The following NKAIN2 variants were observed in gnomAD, a reference collection of about 807,000 sequenced individuals.
NKAIN2 encodes the protein sodium/potassium-transporting ATPase subunit beta-1-interacting protein 2.
Under a neutral mutation model 32.6 loss-of-function variants are expected in NKAIN2, and 14 were observed. The ratio of observed to expected loss-of-function variants is 0.43; its 90% CI spans 0.28 to 0.67. NKAIN2 has a LOEUF of 0.67. Ranked by LOEUF, NKAIN2 falls within the 30% of genes least tolerant of loss-of-function variation. NKAIN2 has a pLI of 0.17. For missense variants in NKAIN2, 198 were observed against 258.3 expected (o/e 0.77, Z 1.60); for synonymous variants, 80 against 87.2 (o/e 0.92, Z 0.46).
At chr6:124,546,913 C>T (rs1780114880) in intron 3 of NKAIN2, among the ~76,000 whole-genome samples, 1 of 152,184 alleles carries the variant, frequency 6.6e-6, no homozygotes, top group Non-Finnish European at 1.5e-5. Flanking sequence ...AAAACATGTT[C>T]TCAGCATCAC....
At chr6:124,141,589 AT>A (rs201284826) in intron 1 of NKAIN2, among the ~76,000 whole-genome samples, 6 of 149,862 alleles carry the variant, frequency 4.0e-5, no homozygotes, top group East Asian at 2.0e-4. Context: ...TTTCTTGCTC[AT>A]TTTTTTTTCT....
rs190243830 is a variant in NKAIN2, at chr6:124,500,836, A to G, written c.273+145489A>G. The stretch of plus-strand genomic sequence containing the variant: ...GTTTTTAGATCAGTCAGAGGATTTG[A>G]CAAAAATGGAAGCAGAAAAATAAAA... On this transcript the variant is annotated intron_variant, in intron 3 of 6. Transcript: ENST00000368417. 1.4e-3 allele frequency among the ~76,000 whole-genome samples: 219 copies of G among 152,238 alleles called. 1 individual carries two copies. The highest frequency in any genetic ancestry group is 2.5e-3 in the Non-Finnish European group (169 of 68,014).
intron 1 of NKAIN2, among the ~76,000 whole-genome samples, chr6:124,157,250 GAC>G (rs772415964): frequency 6.4e-5 from 7 of 109,900 alleles, no homozygotes; most frequent in Admixed American, 2.0e-4. Flanking sequence ...TGTCATAATG[GAC>G]ACACACACAC....
intron 1 of NKAIN2, among the ~76,000 whole-genome samples, chr6:124,267,829 A>G (rs1794573104): frequency 6.6e-6 from 1 of 152,200 alleles, no homozygotes; most frequent in Non-Finnish European, 1.5e-5. Flanking sequence ...TATATTTGGC[A>G]TGAAAAATAT....
chr6:124,814,934 C>A (rs1436183266), intron 5 of NKAIN2, among the ~76,000 whole-genome samples: 1 of 151,948 alleles, frequency 6.6e-6, no homozygotes, highest in Non-Finnish European at 1.5e-5. Context: ...ACAACAGCAG[C>A]AGCAGCAATA....
intron 1 of NKAIN2, among the ~76,000 whole-genome samples, chr6:124,011,951 A>C (rs1780350559): frequency 3.3e-5 from 5 of 152,176 alleles, no homozygotes; most frequent in African/African-American, 7.2e-5. Context: ...TCAAATCTGC[A>C]ATAAGTCATA....
At chr6:123,988,125 C>T (rs1042618886) in intron 1 of NKAIN2, among the ~76,000 whole-genome samples, 7 of 152,062 alleles carry the variant, frequency 4.6e-5, no homozygotes, top group African/African-American at 1.7e-4. Context: ...GGGAGATCAG[C>T]TGTGATTGAT....
At chr6:123,884,112 A>G (rs1427800703) in intron 1 of NKAIN2, among the ~76,000 whole-genome samples, 1 of 151,150 alleles carries the variant, frequency 6.6e-6, no homozygotes, top group Non-Finnish European at 1.5e-5. Context: ...CCCTCCTCCC[A>G]CCCTCCATCC....
intron 1 of NKAIN2, among the ~76,000 whole-genome samples, chr6:124,029,844 G>A (rs930608408): frequency 6.6e-6 from 1 of 152,104 alleles, no homozygotes. Flanking sequence ...TGTTAGATCA[G>A]TGGCAGCATT....
intron 1 of NKAIN2, among the ~76,000 whole-genome samples, chr6:124,143,971 C>A (rs1219629642): frequency 6.6e-6 from 1 of 152,050 alleles, no homozygotes; most frequent in Non-Finnish European, 1.5e-5. Flanking sequence ...ACAAAGCGTA[C>A]AGTGTCTAGC....
chr6:123,831,997 C>T (rs1382765071), intron 1 of NKAIN2, among the ~76,000 whole-genome samples: 2 of 152,042 alleles, frequency 1.3e-5, no homozygotes, highest in Non-Finnish European at 2.9e-5. Flanking sequence ...TCCCTGAATC[C>T]GTTTTCATTA....
chr6:123,849,307 G>A (rs569866444), intron 1 of NKAIN2, among the ~76,000 whole-genome samples: 6 of 152,226 alleles, frequency 3.9e-5, no homozygotes, highest in South Asian at 2.1e-4. Context: ...AATGATAGAC[G>A]AGGAAGTGTT....
At chr6:124,144,453 C>T (rs1281669179) in intron 1 of NKAIN2, among the ~76,000 whole-genome samples, 2 of 151,928 alleles carry the variant, frequency 1.3e-5, no homozygotes, top group African/African-American at 4.8e-5. Context: ...AATAATGGAA[C>T]AGAATAGATC....
intron 1 of NKAIN2, among the ~76,000 whole-genome samples, chr6:123,976,229 G>A (rs909506343): frequency 1.2e-4 from 17 of 136,490 alleles, no homozygotes; most frequent in South Asian, 7.2e-4. Context: ...AGACACAAAC[G>A]TCCAGACAAT....
At chr6:124,627,189 G>T (rs954258736) in intron 3 of NKAIN2, among the ~76,000 whole-genome samples, 2 of 152,068 alleles carry the variant, frequency 1.3e-5, no homozygotes, top group Admixed American at 6.6e-5. Context: ...AGAATCACTT[G>T]AACATGGGAG....
chr6:123,865,449 A>G (rs1775944903), intron 1 of NKAIN2, among the ~76,000 whole-genome samples: 1 of 152,136 alleles, frequency 6.6e-6, no homozygotes, highest in Non-Finnish European at 1.5e-5. Context: ...ATTGAACTAT[A>G]TGGAAATCTT....
At chr6:124,322,071 G>C (rs1797219084) in intron 2 of NKAIN2, among the ~76,000 whole-genome samples, 1 of 152,026 alleles carries the variant, frequency 6.6e-6, no homozygotes, top group Non-Finnish European at 1.5e-5. Context: ...TTTGCATATA[G>C]AGCCACAAAA....
At chr6:123,979,128 T>C (rs1778776731) in intron 1 of NKAIN2, among the ~76,000 whole-genome samples, 1 of 151,382 alleles carries the variant, frequency 6.6e-6, no homozygotes, top group Non-Finnish European at 1.5e-5. Context: ...ACATTCTTCA[T>C]CTTTTTTTGT....
Position 124,821,688 on chromosome 6 carries a change from A to G in NKAIN2, c.618-1532A>G, listed in dbSNP as rs143415592. ...TGAGAGTGGTAAAATTGTATCAGAGATTTCAAGTCTCACTGGTCATGAAAT... is the reference window on the plus strand; with the variant it reads ...TGAGAGTGGTAAAATTGTATCAGAGGTTTCAAGTCTCACTGGTCATGAAAT... On this transcript the variant is annotated intron_variant, in intron 6 of 6. Transcript: ENST00000368417. 4.1e-3 allele frequency among the ~76,000 whole-genome samples: 623 copies of G among 152,342 alleles called. 9 individuals carry two copies. The highest frequency in any genetic ancestry group is 0.014 in the African/African-American group (602 of 41,584).
Sources: allele counts gnomAD v4.1 joint callset (sites outside exome capture counted in the v4.1 genomes callset), GRCh38; gene constraint gnomAD v4.1.1; transcripts MANE v1.5; gene names NCBI Gene and HGNC (gene_info 2026-07-23, HGNC 2026-07-21).